RHOT1: variants seen among roughly 807,000 people sequenced by gnomAD.
RHOT1 encodes the protein ras homolog family member T1, also known as mitochondrial Rho GTPase 1.
RHOT1 carries 27 observed loss-of-function variants against 95.3 expected under a neutral mutation model. The ratio of observed to expected loss-of-function variants is 0.28; its 90% CI spans 0.21 to 0.39. The LOEUF (loss-of-function observed/expected upper bound fraction) is 0.39, where lower values mean the gene tolerates loss of function less well. RHOT1 is among the 10% of genes least tolerant of loss of function. The pLI is 1.00. For missense variants in RHOT1, 578 were observed against 786.7 expected (o/e 0.73, Z 3.17); for synonymous variants, 227 against 263.5 (o/e 0.86, Z 1.34).
chr17:32,157,400 A>C (rs2033071312), intron 1 of RHOT1, among the ~76,000 whole-genome samples: 1 of 152,168 alleles, frequency 6.6e-6, no homozygotes, highest in Admixed American at 6.5e-5. Flanking sequence ...ATCTTTCTGG[A>C]GATCTTCAGT....
chr17:32,215,199 TTTTA>T (rs1188164271), intron 19 of RHOT1, among the ~76,000 whole-genome samples: 1 of 152,156 alleles, frequency 6.6e-6, no homozygotes, highest in African/African-American at 2.4e-5. Flanking sequence ...CAGCTGTCAT[TTTTA>T]TTTAAGTAAA....
intron 17 of RHOT1, 90 bp downstream of exon 17, chr17:32,207,119 C>A: frequency 8.3e-7 from 1 of 1,210,558 alleles, no homozygotes; most frequent in Non-Finnish European, 1.2e-6. Context: ...CACAAAAATG[C>A]AACAAAATCA....
intron 1 of RHOT1, among the ~76,000 whole-genome samples, chr17:32,169,499 T>C (rs1004806002): frequency 6.6e-6 from 1 of 152,214 alleles, no homozygotes; most frequent in Non-Finnish European, 1.5e-5. Flanking sequence ...TTACTAACCC[T>C]TTAAATATGA....
In RHOT1 at chr17:32,192,290, C is replaced by T. The variant is rs141985401; in HGVS notation, c.630C>T (p.Asn210=). 7.7e-6 allele frequency: 11 copies of T among 1,437,140 alleles called. No individual in the cohort carries two copies. The highest frequency in any genetic ancestry group is 1.1e-5 in the Non-Finnish European group (11 of 1,042,886). 89.0% of individuals were successfully genotyped at this position (1,437,140 alleles called of 1,614,324 possible). ...GTACTCTCAATGATGCTGAACTCAA[C>T]TTCTTTCAGGTAATGGTCCTTTATT... The part of the protein sequence containing the change: ...NDGTLNDAEL[N]FFQRICFNTP... The change falls in exon 9 of 20, where the codon AAC becomes AAT. Residue 210 remains asparagine (N), a synonymous_variant. Coordinates refer to ENST00000545287, the MANE Select transcript of RHOT1 (RefSeq NM_001033566.3).
At chr17:32,198,327 A>G (rs1395506809) in intron 11 of RHOT1, among the ~76,000 whole-genome samples, 2 of 152,238 alleles carry the variant, frequency 1.3e-5, no homozygotes, top group Non-Finnish European at 2.9e-5. Flanking sequence ...GCTCATAAGT[A>G]TGACTTAAAA....
In RHOT1 at chr17:32,203,450, A is replaced by G. The variant is rs572779137; in HGVS notation, c.1333-440A>G. On this transcript the variant is annotated intron_variant, in intron 15 of 19. Transcript: ENST00000545287. Reference sequence around the variant, plus strand: ...ACCACCAGGCCCAGCTAATTTTTGTATTTTTAGTAGAGATGGGGTTTCGCC... The same window carrying G: ...ACCACCAGGCCCAGCTAATTTTTGTGTTTTTAGTAGAGATGGGGTTTCGCC... Among the ~76,000 whole-genome samples the G allele has an allele frequency of 5.3e-5, 8 of 150,920 alleles. No individual in the cohort carries two copies. The South Asian group carries it at 1.5e-3, about 28-fold the overall frequency.
chr17:32,199,282 G>A (rs1283891524), intron 12 of RHOT1, 123 bp from the exon 13 acceptor site: 2 of 926,958 alleles, frequency 2.2e-6, no homozygotes, highest in African/African-American at 3.4e-5. Flanking sequence ...TTGATAAAAT[G>A]TAAAATTTGT....
chr17:32,158,693 C>T (rs990344647), intron 1 of RHOT1, among the ~76,000 whole-genome samples: 1 of 151,620 alleles, frequency 6.6e-6, no homozygotes, highest in Non-Finnish European at 1.5e-5. Context: ...CTCTTGACCT[C>T]GTGATCCGCC....
At chr17:32,175,288 A>G (rs750315100) in intron 3 of RHOT1, 31 bp from the exon 4 acceptor site, 9 of 1,601,240 alleles carry the variant, frequency 5.6e-6, no homozygotes, top group Admixed American at 3.3e-5. Flanking sequence ...AGTGTCTGCA[A>G]TATGAAACAT....
chr17:32,148,789 T>TA (rs1167925326), intron 1 of RHOT1, among the ~76,000 whole-genome samples: 3 of 152,220 alleles, frequency 2.0e-5, no homozygotes, highest in African/African-American at 7.2e-5. Context: ...TCAAGAAAAA[T>TA]AGCCAGTATG....
At chr17:32,167,019 C>A (rs7219968) in intron 1 of RHOT1, among the ~76,000 whole-genome samples, 41,828 of 152,058 alleles carry the variant, frequency 0.28, 7,461 homozygotes, top group African/African-American at 0.51. Flanking sequence ...TAGGCTTACA[C>A]AATGTAAATA....
chr17:32,222,534 G>A (rs1011088135), intron 19 of RHOT1, among the ~76,000 whole-genome samples: 2 of 151,610 alleles, frequency 1.3e-5, no homozygotes, highest in South Asian at 2.1e-4. Context: ...TCTGGAGTGG[G>A]TGTGTGTGTG....
Position 32,163,952 on chromosome 17 carries a change from C to T in RHOT1, c.38-7091C>T, listed in dbSNP as rs769215586. Among the ~76,000 whole-genome samples, 7 of 151,842 alleles carry T rather than the reference C, an allele frequency of 4.6e-5. No homozygotes were observed. The East Asian group carries it at 7.9e-4, about 17-fold the overall frequency. On this transcript the variant is annotated intron_variant, in intron 1 of 19. Coordinates refer to ENST00000545287, the MANE Select transcript of RHOT1 (RefSeq NM_001033566.3). ...CAGGTGGATCACGAGGTCAAGAGATCGAGACCATCCTGGCCAACATGGTGA... is the reference window on the plus strand; with the variant it reads ...CAGGTGGATCACGAGGTCAAGAGATTGAGACCATCCTGGCCAACATGGTGA...
chr17:32,154,148 A>G (rs2032660114), intron 1 of RHOT1, among the ~76,000 whole-genome samples: 1 of 151,856 alleles, frequency 6.6e-6, no homozygotes, highest in African/African-American at 2.4e-5. Flanking sequence ...AAAAAAAAAA[A>G]AAGAGAAAAG....
chr17:32,160,978 G>A (rs556067764), intron 1 of RHOT1, among the ~76,000 whole-genome samples: 3 of 152,266 alleles, frequency 2.0e-5, no homozygotes, highest in South Asian at 2.1e-4. Flanking sequence ...CAACGATCCC[G>A]TAACACTGAC....
intron 15 of RHOT1, among the ~76,000 whole-genome samples, chr17:32,203,269 C>CTTCTTTTTTTTTTTT (rs1485362280): frequency 1.4e-5 from 1 of 72,328 alleles, no homozygotes; most frequent in African/African-American, 6.1e-5. Flanking sequence ...TCTTCTTCTT[C>CTTCTTTTTTTTTTTT]TTTTTTTTTT....
intron 19 of RHOT1, among the ~76,000 whole-genome samples, chr17:32,213,306 C>T (rs966232687): frequency 2.6e-5 from 4 of 152,286 alleles, no homozygotes; most frequent in Admixed American, 2.6e-4. Context: ...ATATATTTCT[C>T]TAAGCATTGT....
chr17:32,172,699 C>T lies in RHOT1; in HGVS notation c.97-1132C>T, dbSNP rs993630684. 8.5e-5 allele frequency among the ~76,000 whole-genome samples: 13 copies of T among 152,240 alleles called. No homozygotes were observed. In the South Asian group the frequency reaches 1.9e-3, roughly 22 times the overall value. On this transcript the variant is annotated intron_variant, in intron 2 of 19. Transcript: ENST00000545287. Reference sequence around the variant, plus strand: ...ATACAAAATTAGCCAGGTATGGTGGCGCATGCCTGTAATCCCAGCTACCTG... The same window carrying T: ...ATACAAAATTAGCCAGGTATGGTGGTGCATGCCTGTAATCCCAGCTACCTG...
chr17:32,207,075 C>G (rs1358907491), intron 17 of RHOT1, 46 bp downstream of exon 17: 1 of 1,550,590 alleles, frequency 6.4e-7, no homozygotes, highest in Admixed American at 2.1e-5. Context: ...TTCATATGGA[C>G]TTTTTATGGA....
Sources: allele counts gnomAD v4.1 joint callset (sites outside exome capture counted in the v4.1 genomes callset), GRCh38; gene constraint gnomAD v4.1.1; transcripts MANE v1.5; gene names NCBI Gene and HGNC (gene_info 2026-07-23, HGNC 2026-07-21).